WDR26: variants seen among roughly 807,000 people sequenced by gnomAD.
WDR26 encodes WD repeat domain 26.
In WDR26, 5 loss-of-function variants were observed where a neutral mutation model predicts 84.1. The ratio of observed to expected loss-of-function variants is 0.06; its 90% CI spans 0.03 to 0.13. The LOEUF (loss-of-function observed/expected upper bound fraction) is 0.13. Among genes scored for constraint, WDR26 ranks in the 10% least tolerant of loss-of-function variants. The pLI is 1.00. For synonymous variants in WDR26, 415 were observed against 389.6 expected, an observed-to-expected ratio of 1.07 and a Z score of -0.77; for missense variants, 642 against 974.9, an observed-to-expected ratio of 0.66 and a Z score of 4.55.
chr1:224,431,243 T>G (rs186906632), intron 3 of WDR26: 5 of 416,384 alleles, frequency 1.2e-5, no homozygotes, highest in African/African-American at 2.0e-5. Flanking sequence ...TGAAGAGCTT[T>G]CAATATATTT....
intron 4 of WDR26, among the ~76,000 whole-genome samples, chr1:224,423,760 A>G (rs1432406259): frequency 6.6e-6 from 1 of 152,222 alleles, no homozygotes; most frequent in African/African-American, 2.4e-5. Context: ...CCAAGTGGAG[A>G]ATGTCAGGTA....
intron 12 of WDR26, among the ~76,000 whole-genome samples, chr1:224,397,020 C>T (rs548504860): frequency 6.6e-6 from 1 of 152,302 alleles, no homozygotes; most frequent in African/African-American, 2.4e-5. Flanking sequence ...AGGTAAACCT[C>T]ATGTGCACTT....
In WDR26 at chr1:224,400,928, G is replaced by T. The variant is rs754267504; in HGVS notation, c.1719+22C>A. On this transcript the variant is annotated intron_variant, in intron 9 of 13. Transcript: ENST00000414423. ...TTGCTTTTAAACCAACAGATACTGG[G>T]AAGGGGGCACTGAATACTTACACAC... The T allele has an allele frequency of 1.4e-5, 22 of 1,606,798 alleles. No individual in the cohort carries two copies. In the Admixed American group the frequency reaches 3.8e-4, roughly 28 times the overall value.
At chr1:224,422,226 AG>A (rs1395306665) in intron 4 of WDR26, among the ~76,000 whole-genome samples, 1 of 152,178 alleles carries the variant, frequency 6.6e-6, no homozygotes, top group Non-Finnish European at 1.5e-5. Context: ...TGGCAAGTTA[AG>A]GAACAGAAAG....
chr1:224,433,691 C>T lies in WDR26; in HGVS notation c.715G>A (p.Gly239Arg). 1 of 1,505,694 alleles carries T rather than the reference C, an allele frequency of 6.6e-7. No homozygotes were observed. The highest frequency in any genetic ancestry group is 8.9e-7 in the Non-Finnish European group (1 of 1,128,562). 93.3% of individuals were successfully genotyped at this position (1,505,694 alleles called of 1,614,324 possible). ...GCGGTAAGGGATACTTACTTGAGCC[C>T]TAAGCCATTCAAGTGCTGTCCTATT... The change falls in exon 1 of 14, where the codon GGG becomes AGG. Residue 239 changes from glycine (G) to arginine (R), a missense_variant. Around this residue, in one of 2 missense-constraint regions of WDR26, gnomAD observed 351 missense variants for 672.8 expected, o/e 0.52. Coordinates refer to ENST00000414423, the MANE Select transcript of WDR26 (RefSeq NM_001379403.1).
chr1:224,422,341 A>G (rs1674087540), intron 4 of WDR26, among the ~76,000 whole-genome samples: 1 of 152,220 alleles, frequency 6.6e-6, no homozygotes, highest in African/African-American at 2.4e-5. Flanking sequence ...ACTGCTGGAG[A>G]GCCAGTGGCA....
At chr1:224,408,393 A>G (rs12122214) in intron 7 of WDR26, among the ~76,000 whole-genome samples, 25,025 of 152,248 alleles carry the variant, frequency 0.16, 2,376 homozygotes, top group Non-Finnish European at 0.21. Flanking sequence ...TCTACAGCAA[A>G]AGACCTGGCA....
At chr1:224,428,051 A>AT (rs1164178035) in intron 3 of WDR26, among the ~76,000 whole-genome samples, 2 of 152,050 alleles carry the variant, frequency 1.3e-5, no homozygotes, top group South Asian at 2.1e-4. Flanking sequence ...GTCTCTAATG[A>AT]TTTTTTACCA....
intron 7 of WDR26, among the ~76,000 whole-genome samples, chr1:224,410,141 C>T (rs1024640693): frequency 1.3e-5 from 2 of 151,738 alleles, no homozygotes; most frequent in South Asian, 2.1e-4. Context: ...ATTAGCCAGG[C>T]GTGGTGGCAA....
At chr1:224,404,774 C>CTACTATATACAAGTCATT (rs1461226134) in intron 7 of WDR26, among the ~76,000 whole-genome samples, 1 of 152,074 alleles carries the variant, frequency 6.6e-6, no homozygotes, top group Admixed American at 6.6e-5. Flanking sequence ...TATTAGGCAT[C>CTACTATATACAAGTCATT]TACTATATAC....
In WDR26 at chr1:224,434,671, T is replaced by G; in HGVS notation, c.-266A>C. Reference sequence around the variant, plus strand: ...GGGGGCGCGGGGCCCGCCGCTGGGCTGAGCCCCGGCAGTGGCTGCGGCGGC... The same window carrying G: ...GGGGGCGCGGGGCCCGCCGCTGGGCGGAGCCCCGGCAGTGGCTGCGGCGGC... On this transcript the variant is annotated 5_prime_UTR_variant, in exon 1 of 14. Coordinates refer to ENST00000414423, the MANE Select transcript of WDR26 (RefSeq NM_001379403.1). 2.4e-6 allele frequency: 2 copies of G among 837,660 alleles called. No homozygotes were observed. The highest frequency in any genetic ancestry group is 2.9e-6 in the Non-Finnish European group (2 of 698,230). 51.9% of individuals were successfully genotyped at this position (837,660 alleles called of 1,614,324 possible).
rs1227010883 is a variant in WDR26, at chr1:224,433,996, G to A, written c.410C>T (p.Ala137Val). 2.6e-6 allele frequency: 4 copies of A among 1,520,412 alleles called. No individual in the cohort carries two copies. The highest frequency in any genetic ancestry group is 2.8e-5 in the African/African-American group (2 of 72,660). 94.2% of individuals were successfully genotyped at this position (1,520,412 alleles called of 1,614,324 possible). Residue 137 changes from alanine (A) to valine (V), a missense_variant, in exon 1 of 14, where the codon GCC becomes GTC. Physicochemically the swap from Ala to Val is moderately conservative, Grantham distance 64. Transcript: ENST00000414423. ...CGAGGGGGACGACTCCCCGTTCTGGGCCGACAAGCAGGCGAGTTCCGGGGT... is the reference window on the plus strand; with the variant it reads ...CGAGGGGGACGACTCCCCGTTCTGGACCGACAAGCAGGCGAGTTCCGGGGT...
rs1558434028 is a variant in WDR26, at chr1:224,415,445, A to ATTTC, written c.1319+2811_1319+2814dup. ...GGGAAGAAACAATTCTGGAACACGT[A>ATTTC]TTTCTTTCTTTTTTTTTTTTTTTTT... On this transcript the variant is annotated intron_variant, in intron 6 of 13. Transcript: ENST00000414423. Among the ~76,000 whole-genome samples, 67 of 126,816 alleles carry ATTTC rather than the reference A, an allele frequency of 5.3e-4. 2 individuals carry two copies. Among genetic ancestry groups the ATTTC allele is most frequent in the East Asian group, 3.4e-3 (15 of 4,420 alleles). 83.2% of individuals were successfully genotyped at this position (126,816 alleles called of 152,430 possible). A position where few individuals can be genotyped will look rare whatever the true frequency, so the allele number is the denominator to read the frequency against.
chr1:224,433,800 G>A lies in WDR26; in HGVS notation c.606C>T (p.Ser202=). 2 of 1,536,962 alleles carry A rather than the reference G, an allele frequency of 1.3e-6. No homozygotes were observed. The highest frequency in any genetic ancestry group is 1.2e-5 in the South Asian group (1 of 84,024). Residue 202 remains serine (S), a synonymous_variant, in exon 1 of 14, where the codon TCC becomes TCT. Transcript: ENST00000414423. ...CCAGTTCTGGGGTGGCCAAGGAAGA[G>A]GAGGCGGCGGTGGTGGCGGAGGCAG...
chr1:224,387,126 T>C lies in WDR26; in HGVS notation c.*2709A>G, dbSNP rs1411017779. 2.6e-5 allele frequency: 4 copies of C among 152,632 alleles called. No homozygotes were observed. The highest frequency in any genetic ancestry group is 1.5e-5 in the Non-Finnish European group (1 of 68,036). 9.5% of individuals were successfully genotyped at this position (152,632 alleles called of 1,614,324 possible). ...GGAGCCCAAATTCTCCACTCTATTT[T>C]GATCTATGTGCAAAAAGTATTGGTA... On this transcript the variant is annotated 3_prime_UTR_variant, in exon 14 of 14. Transcript: ENST00000414423.
At chr1:224,396,012 T>C (rs775680329) in intron 12 of WDR26, among the ~76,000 whole-genome samples, 2 of 152,230 alleles carry the variant, frequency 1.3e-5, no homozygotes, top group Non-Finnish European at 2.9e-5. Context: ...TGGAGGGTCA[T>C]TGAAATATAT....
intron 3 of WDR26, among the ~76,000 whole-genome samples, chr1:224,425,326 C>T (rs1471765897): frequency 2.0e-5 from 3 of 152,202 alleles, no homozygotes; most frequent in Non-Finnish European, 4.4e-5. Flanking sequence ...GGGATGTCTA[C>T]GTTAGATGGT....
At chr1:224,430,544 A>G (rs186250791) in intron 3 of WDR26, 1 of 152,328 alleles carries the variant, frequency 6.6e-6, no homozygotes, top group Non-Finnish European at 1.5e-5. Context: ...AGAAAAAGGC[A>G]GAAAAGATTA....
At chr1:224,411,606 TTAGAG>T in intron 6 of WDR26, 41 bp from the exon 7 acceptor site, 1 of 1,521,586 alleles carries the variant, frequency 6.6e-7, no homozygotes, top group Non-Finnish European at 8.8e-7. Context: ...TCAAAACAGA[TTAGAG>T]TAATAATAAT....
Sources: gnomAD v4.1 joint callset for allele counts (sites outside exome capture counted in the v4.1 genomes callset) on GRCh38, gnomAD v4.1.1 for gene constraint, gnomAD v4.1.1 regional missense constraint, MANE v1.5 for transcripts, NCBI Gene and HGNC (gene_info 2026-07-23, HGNC 2026-07-21) for gene names.